Variants in CCDC191 observed in about 807,000 individuals in gnomAD.
The protein encoded by CCDC191 is coiled-coil domain-containing protein 191.
Under a neutral mutation model 114.0 loss-of-function variants are expected in CCDC191, and 99 were observed. The ratio of observed to expected loss-of-function variants is 0.87; its 90% CI spans 0.74 to 1.03. CCDC191 has a LOEUF of 1.03. Ranked by LOEUF, CCDC191 falls within the 50% of genes least tolerant of loss-of-function variation. CCDC191 has a pLI of 0.00. For synonymous variants in CCDC191, 351 were observed against 376.0 expected (o/e 0.93, Z 0.77); for missense variants, 973 against 1,087.0 (o/e 0.90, Z 1.47).
chr3:113,983,644 T>G (rs2075251570), intron 13 of CCDC191, among the ~76,000 whole-genome samples: 1 of 152,234 alleles, frequency 6.6e-6, no homozygotes, highest in Non-Finnish European at 1.5e-5. Flanking sequence ...CATAGAAGCT[T>G]TCAGACGGCA....
At chr3:114,037,490 C>T (rs1308158874) in intron 4 of CCDC191, among the ~76,000 whole-genome samples, 1 of 152,162 alleles carries the variant, frequency 6.6e-6, no homozygotes, top group East Asian at 1.9e-4. Flanking sequence ...TAGTTTATCA[C>T]TTTCTGTTGC....
intron 11 of CCDC191, chr3:114,003,039 G>A: frequency 1.0e-6 from 1 of 985,322 alleles, no homozygotes; most frequent in Non-Finnish European, 1.2e-6. Flanking sequence ...GGGTCACGAT[G>A]AATATATTTG....
Position 114,053,625 on chromosome 3 carries a change from C to T in CCDC191, c.101G>A (p.Gly34Asp), listed in dbSNP as rs974707734. The stretch of plus-strand genomic sequence containing the variant: ...TATCCAGTGTTCCACACTGTCAGGA[C>T]CAAAAGTAGGCTGTAGATAACATAT... ...TRKPSPKPTF[G>D]PDSVEHWIKR... Residue 34 changes from glycine to aspartate, a missense_variant, in exon 2 of 17, where the codon GGT becomes GAT. Gly to Asp is a moderately conservative substitution (Grantham distance 94, BLOSUM62 -1). Transcript: ENST00000295878. 1 of 1,589,394 alleles carries T rather than the reference C, an allele frequency of 6.3e-7. No individual in the cohort carries two copies. The highest frequency in any genetic ancestry group is 1.3e-5 in the African/African-American group (1 of 74,146).
At chr3:113,990,371 T>A (rs561315273) in intron 13 of CCDC191, among the ~76,000 whole-genome samples, 2 of 152,062 alleles carry the variant, frequency 1.3e-5, no homozygotes, top group South Asian at 4.1e-4. Context: ...ATATACAAAC[T>A]ACCAAGTTTT....
chr3:114,015,680 G>A (rs2076147902), intron 8 of CCDC191, among the ~76,000 whole-genome samples: 1 of 152,136 alleles, frequency 6.6e-6, no homozygotes, highest in African/African-American at 2.4e-5. Context: ...AATTTAGTGT[G>A]TATACTAGAA....
intron 13 of CCDC191, among the ~76,000 whole-genome samples, chr3:113,987,653 C>T (rs2075407980): frequency 6.6e-6 from 1 of 152,196 alleles, no homozygotes; most frequent in African/African-American, 2.4e-5. Flanking sequence ...CCTGCCTCAG[C>T]CTCCAAAGTA....
chr3:114,040,632 G>T (rs1289853920), intron 4 of CCDC191, among the ~76,000 whole-genome samples: 2 of 151,926 alleles, frequency 1.3e-5, no homozygotes, highest in African/African-American at 4.8e-5. Flanking sequence ...CTATTTGCAT[G>T]GTATATCTTT....
intron 2 of CCDC191, among the ~76,000 whole-genome samples, chr3:114,052,541 A>C (rs1053440915): frequency 6.6e-5 from 10 of 152,282 alleles, no homozygotes; most frequent in Middle Eastern, 3.4e-3. Flanking sequence ...GTAGCCAGGA[A>C]GCTTCCCCTG....
At chr3:114,019,383 A>C (rs1375883620) in intron 7 of CCDC191, among the ~76,000 whole-genome samples, 1 of 152,106 alleles carries the variant, frequency 6.6e-6, no homozygotes, top group Non-Finnish European at 1.5e-5. Flanking sequence ...GGCTACTACC[A>C]CTGACCACTT....
rs1207585580 is a variant in CCDC191, at chr3:114,010,972, A to G, written c.1213T>C (p.Cys405Arg). Reference sequence around the variant, plus strand: ...TGCCAATGCTGCCATTCTGTAAAGCAGTGTCGGAGAACTTGTTTCCGGTTA... The same window carrying G: ...TGCCAATGCTGCCATTCTGTAAAGCGGTGTCGGAGAACTTGTTTCCGGTTA... ...EYNRKQVLRHCFTEWQHWHGA... is the reference protein window; with the variant it reads ...EYNRKQVLRHRFTEWQHWHGA... Residue 405 changes from cysteine (C) to arginine (R), a missense_variant, in exon 9 of 17, where the codon TGC becomes CGC. Coordinates refer to ENST00000295878, the MANE Select transcript of CCDC191 (RefSeq NM_020817.2). The G allele has an allele frequency of 1.2e-6, 2 of 1,614,032 alleles. No individual in the cohort carries two copies. The highest frequency in any genetic ancestry group is 1.1e-5 in the South Asian group (1 of 91,088).
At chr3:114,052,265 T>G (rs2076707581) in intron 2 of CCDC191, among the ~76,000 whole-genome samples, 1 of 152,014 alleles carries the variant, frequency 6.6e-6, no homozygotes, top group East Asian at 1.9e-4. Context: ...ATGATAAAAA[T>G]TGAGTCAAGC....
At position 114,042,691 on chromosome 3, in the gene CCDC191, G is replaced by C. The variant is rs999864837; in HGVS notation, c.415+12C>G. 1 of 1,550,938 alleles carries C rather than the reference G, an allele frequency of 6.4e-7. No homozygotes were observed. The highest frequency in any genetic ancestry group is 8.6e-7 in the Non-Finnish European group (1 of 1,156,090). On this transcript the variant is annotated intron_variant, in intron 4 of 16. Transcript: ENST00000295878. ...AGATGTTAAAACTTAGAACAATCAG[G>C]TAAGTTCTTACCATCAAACTTGTCA...
intron 7 of CCDC191, among the ~76,000 whole-genome samples, chr3:114,027,240 G>A (rs1438508793): frequency 1.3e-5 from 2 of 152,222 alleles, no homozygotes; most frequent in African/African-American, 4.8e-5. Flanking sequence ...TGATAAGAGA[G>A]CCTGCACTGT....
At chr3:113,996,684 T>C (rs1275989928) in intron 13 of CCDC191, among the ~76,000 whole-genome samples, 1 of 152,158 alleles carries the variant, frequency 6.6e-6, no homozygotes, top group African/African-American at 2.4e-5. Flanking sequence ...TGGAATGCTA[T>C]GCAGCCATAA....
Position 114,004,340 on chromosome 3 carries a change from CT to C in CCDC191, c.1978+296del, listed in dbSNP as rs140992391. On this transcript the variant is annotated intron_variant, in intron 11 of 16. Coordinates refer to ENST00000295878, the MANE Select transcript of CCDC191 (RefSeq NM_020817.2). Reference sequence around the variant, plus strand: ...AGTTTTCTCATTTGTGTAATTATTCCTTTTTTTTTCACAATCCAAATCTCAA... The same window carrying C: ...AGTTTTCTCATTTGTGTAATTATTCCTTTTTTTTCACAATCCAAATCTCAA... 1.4e-4 allele frequency: 143 copies of C among 1,002,790 alleles called. No individual in the cohort carries two copies. In the African/African-American group the frequency reaches 1.9e-3, roughly 13 times the overall value. 62.1% of individuals were successfully genotyped at this position (1,002,790 alleles called of 1,614,324 possible). A position where few individuals can be genotyped will look rare whatever the true frequency, so the allele number is the denominator to read the frequency against.
Position 114,031,730 on chromosome 3 carries a change from T to C in CCDC191, c.868A>G (p.Met290Val). ...GGAAGAATGTGAGTACTTTGAAACA[T>C]GACTTTTTCTGAACTATTTTGAGAA... is the stretch of plus-strand genomic sequence containing the variant. ...ENSQNSSEKVMFQSTHILPDE... is the reference protein window; with the variant it reads ...ENSQNSSEKVVFQSTHILPDE... Residue 290 changes from methionine (M) to valine (V), a missense_variant, in exon 7 of 17, where the codon ATG (methionine) becomes GTG (valine). Physicochemically the swap from Met to Val is conservative, Grantham distance 21. Transcript: ENST00000295878. 6.5e-7 allele frequency: 1 copy of C among 1,531,156 alleles called. No homozygotes were observed. 94.8% of individuals were successfully genotyped at this position (1,531,156 alleles called of 1,614,324 possible).
chr3:114,009,527 T>A (rs2076031844), intron 9 of CCDC191, among the ~76,000 whole-genome samples: 1 of 152,094 alleles, frequency 6.6e-6, no homozygotes, highest in Non-Finnish European at 1.5e-5. Context: ...AGGGTCAAGA[T>A]CATCAAGAAG....
intron 6 of CCDC191, among the ~76,000 whole-genome samples, chr3:114,033,159 A>G (rs1446739819): frequency 2.0e-5 from 3 of 150,820 alleles, no homozygotes; most frequent in African/African-American, 4.9e-5. Flanking sequence ...GTGCAGTGGC[A>G]TGATCTCGGC....
At position 114,004,692 on chromosome 3, in the gene CCDC191, A is replaced by G. The variant is rs115484497; in HGVS notation, c.1923T>C (p.Leu641=). ...GCTTTGGTTTCCTTCTGAGTCCAGA[A>G]AGAGAATTTCGGGAGTCACTTCTGC... ...TEGRSDSRNS[L]SGLRRKPKQL... is the part of the protein sequence containing the mutation. Residue 641 remains leucine (L), a synonymous_variant, in exon 11 of 17, where the codon CTT becomes CTC. Coordinates refer to ENST00000295878, the MANE Select transcript of CCDC191 (RefSeq NM_020817.2). 9.5e-4 allele frequency: 1,528 copies of G among 1,613,022 alleles called. 14 individuals carry two copies. The African/African-American group carries it at 0.017, about 18-fold the overall frequency.
Sources: gnomAD v4.1 joint callset for allele counts (sites outside exome capture counted in the v4.1 genomes callset) on GRCh38, gnomAD v4.1.1 for gene constraint, MANE v1.5 for transcripts, NCBI Gene and HGNC (gene_info 2026-07-23, HGNC 2026-07-21) for gene names.